Variants in AVL9 observed in about 807,000 individuals in gnomAD.
The protein encoded by AVL9 is late secretory pathway protein AVL9 homolog.
A neutral mutation model predicts 79.2 loss-of-function variants in AVL9; 49 were observed. The ratio of observed to expected loss-of-function variants is 0.62; its 90% confidence interval spans 0.49 to 0.79. The LOEUF (loss-of-function observed/expected upper bound fraction) is 0.79, where lower values mean the gene tolerates loss of function less well. Ranked by LOEUF, AVL9 falls within the 30% of genes least tolerant of loss-of-function variation. AVL9 has a pLI of 0.00. For synonymous variants in AVL9, 299 were observed against 280.6 expected, an observed-to-expected ratio of 1.07 and a Z score of -0.65; for missense variants, 682 against 776.8, an observed-to-expected ratio of 0.88 and a Z score of 1.45.
Position 32,558,966 on chromosome 7 carries a change from T to C in AVL9, c.717T>C (p.Tyr239=), listed in dbSNP as rs770539177. The C allele has an allele frequency of 2.0e-5, 33 of 1,610,060 alleles. No homozygotes were observed. The highest frequency in any genetic ancestry group is 2.7e-5 in the Non-Finnish European group (32 of 1,178,298). Residue 239 remains tyrosine (Y), a synonymous_variant, in exon 10 of 16, where the codon TAT becomes TAC. Coordinates refer to ENST00000318709, the MANE Select transcript of AVL9 (RefSeq NM_015060.3). ...ATGGTCTCAGTGACTGTTCTCAGTATAGACCCCGGAAAAGTATGTCTGAAG... is the reference window on the plus strand; with the variant it reads ...ATGGTCTCAGTGACTGTTCTCAGTACAGACCCCGGAAAAGTATGTCTGAAG... The part of the protein sequence containing the change: ...IEHGLSDCSQ[Y]RPRKSMSEDG...
intron 2 of AVL9, among the ~76,000 whole-genome samples, chr7:32,544,206 T>G (rs1198227863): frequency 2.0e-5 from 3 of 152,220 alleles, no homozygotes; most frequent in Non-Finnish European, 4.4e-5. Context: ...TGTGACACTT[T>G]AAATACTTAA....
At chr7:32,497,297 G>A (rs1371145800) in intron 1 of AVL9, among the ~76,000 whole-genome samples, 5 of 152,228 alleles carry the variant, frequency 3.3e-5, no homozygotes, top group Non-Finnish European at 7.3e-5. Context: ...AGAGGTTGCT[G>A]TGAGCCGAGA....
intron 15 of AVL9, among the ~76,000 whole-genome samples, 180 bp from the exon 16 acceptor site, chr7:32,583,612 A>G (rs1178999936): frequency 6.6e-6 from 1 of 152,152 alleles, no homozygotes; most frequent in Non-Finnish European, 1.5e-5. Context: ...CTAGGATGTC[A>G]AGGCTGCAGG....
chr7:32,500,923 T>C (rs567644408), intron 1 of AVL9, among the ~76,000 whole-genome samples: 1 of 152,262 alleles, frequency 6.6e-6, no homozygotes, highest in East Asian at 1.9e-4. Context: ...TGTAGATGTG[T>C]GGTGTTATTT....
chr7:32,507,166 A>G (rs112650942), intron 1 of AVL9, among the ~76,000 whole-genome samples: 2 of 152,270 alleles, frequency 1.3e-5, no homozygotes, highest in African/African-American at 4.8e-5. Context: ...GTTTTTATGT[A>G]TATCCTTGTC....
At chr7:32,573,546 T>C in intron 12 of AVL9, 128 bp downstream of exon 12, 1 of 814,888 alleles carries the variant, frequency 1.2e-6, no homozygotes. Context: ...TATTCCCTCA[T>C]ACAAAGATAG....
rs5883362 is a variant in AVL9 at position 32,579,389 on chromosome 7, TTA to T, written c.1689-826_1689-825del. On this transcript the variant is annotated intron_variant, in intron 13 of 15. Coordinates refer to ENST00000318709, the MANE Select transcript of AVL9 (RefSeq NM_015060.3). The stretch of plus-strand genomic sequence containing the variant: ...TATATAATATATGTTATATAACATA[TTA>T]TATGTTATATATTATATATAATATG... 6.2e-4 allele frequency among the ~76,000 whole-genome samples: 4 copies of T among 6,402 alleles called. 1 individual carries two copies. Among genetic ancestry groups the T allele is most frequent in the East Asian group, 5.7e-3 (2 of 348 alleles). The allele number at this position is 6,402 out of a possible 152,430, so 4.2% of individuals were successfully genotyped here. A position where few individuals can be genotyped will look rare whatever the true frequency, so the allele number is the denominator to read the frequency against.
chr7:32,499,660 T>C (rs1787029881), intron 1 of AVL9, among the ~76,000 whole-genome samples: 1 of 152,146 alleles, frequency 6.6e-6, no homozygotes, highest in Non-Finnish European at 1.5e-5. Context: ...ACATGTGCCA[T>C]GGTGGTTTGC....
At chr7:32,499,574 T>A (rs1405867761) in intron 1 of AVL9, among the ~76,000 whole-genome samples, 2 of 76,728 alleles carry the variant, frequency 2.6e-5, no homozygotes, top group East Asian at 1.1e-3. Flanking sequence ...AAAGGCAGAA[T>A]AACAATTTTT....
At chr7:32,579,025 C>T (rs1422608748) in intron 13 of AVL9, among the ~76,000 whole-genome samples, 2 of 151,674 alleles carry the variant, frequency 1.3e-5, no homozygotes, top group East Asian at 3.9e-4. Flanking sequence ...GTATTTCAAT[C>T]CTGTGATTCA....
At chr7:32,568,513 T>A (rs931804751) in intron 10 of AVL9, among the ~76,000 whole-genome samples, 1 of 152,226 alleles carries the variant, frequency 6.6e-6, no homozygotes, top group African/African-American at 2.4e-5. Context: ...TAATATTCTT[T>A]GGAGATGAAT....
intron 1 of AVL9, among the ~76,000 whole-genome samples, chr7:32,511,572 A>T (rs1387899483): frequency 6.6e-6 from 1 of 152,062 alleles, no homozygotes; most frequent in Admixed American, 6.5e-5. Context: ...GGGGAAAGAT[A>T]GGAGGACACT....
At position 32,521,124 on chromosome 7, in the gene AVL9, G is replaced by A. The variant is rs149783387; in HGVS notation, c.94-22017G>A. ...TAAATTTTTTTTTCTTCCCAGTCTC[G>A]GGTATGTCTTTATCAGCAGCACGAA... On this transcript the variant is annotated intron_variant, in intron 1 of 15. Transcript: ENST00000318709. Among the ~76,000 whole-genome samples the A allele has an allele frequency of 1.6e-4, 24 of 152,066 alleles. No homozygotes were observed. The East Asian group carries it at 3.9e-3, about 24-fold the overall frequency.
chr7:32,496,172 A>G (rs370550306), intron 1 of AVL9, among the ~76,000 whole-genome samples: 22 of 152,272 alleles, frequency 1.4e-4, no homozygotes, highest in African/African-American at 5.3e-4. Flanking sequence ...CTATAATGGG[A>G]GTCTAGAAAA....
At chr7:32,505,305 C>T (rs1374838410) in intron 1 of AVL9, among the ~76,000 whole-genome samples, 1 of 151,796 alleles carries the variant, frequency 6.6e-6, no homozygotes, top group Non-Finnish European at 1.5e-5. Flanking sequence ...GCGGGCAGAT[C>T]ACAAGGTCAG....
intron 1 of AVL9, among the ~76,000 whole-genome samples, chr7:32,502,244 A>G (rs911639464): frequency 6.6e-6 from 1 of 151,972 alleles, no homozygotes; most frequent in South Asian, 2.1e-4. Flanking sequence ...GCATGCCTGT[A>G]GTCCCAGCTA....
At chr7:32,541,740 G>T (rs561167804) in intron 1 of AVL9, among the ~76,000 whole-genome samples, 1 of 149,394 alleles carries the variant, frequency 6.7e-6, no homozygotes, top group Admixed American at 6.7e-5. Flanking sequence ...TTGAGACAGA[G>T]TCTCACTCTT....
intron 1 of AVL9, among the ~76,000 whole-genome samples, chr7:32,526,866 A>G (rs759531791): frequency 4.7e-4 from 72 of 152,186 alleles, no homozygotes; most frequent in Non-Finnish European, 9.1e-4. Flanking sequence ...CTCACAGATG[A>G]AATTCCAGGT....
chr7:32,533,143 C>T (rs181764885), intron 1 of AVL9: 6 of 152,216 alleles, frequency 3.9e-5, no homozygotes, highest in Admixed American at 2.6e-4. Flanking sequence ...CCCGTCTCTA[C>T]TAAAAATACA....
Sources: gnomAD v4.1 joint callset for allele counts (sites outside exome capture counted in the v4.1 genomes callset) on GRCh38, gnomAD v4.1.1 for gene constraint, MANE v1.5 for transcripts, NCBI Gene and HGNC (gene_info 2026-07-23, HGNC 2026-07-21) for gene names.